Variants in TBC1D9 observed in about 807,000 individuals in gnomAD.
TBC1D9 encodes the protein TBC1 domain family member 9A.
A neutral mutation model predicts 132.0 loss-of-function variants in TBC1D9; 63 were observed. The observed-to-expected ratio is 0.48, with a 90% CI of 0.39 to 0.59. The LOEUF (loss-of-function observed/expected upper bound fraction) is 0.59. Among genes scored for constraint, TBC1D9 ranks in the 20% least tolerant of loss-of-function variants. TBC1D9 has a pLI of 0.00. For missense variants in TBC1D9, 1,261 were observed against 1,592.7 expected, an observed-to-expected ratio of 0.79 and a Z score of 3.54; for synonymous variants, 610 against 609.9, an observed-to-expected ratio of 1.00 and a Z score of 0.00.
chr4:140,709,767 C>T (rs1738210028), intron 1 of TBC1D9, among the ~76,000 whole-genome samples: 1 of 152,126 alleles, frequency 6.6e-6, no homozygotes, highest in South Asian at 2.1e-4. Flanking sequence ...ACTGTTCCAC[C>T]TCAGATCATC....
chr4:140,627,351 A>G (rs1736725098), intron 18 of TBC1D9, 90 bp downstream of exon 18: 1 of 808,726 alleles, frequency 1.2e-6, no homozygotes, highest in East Asian at 2.7e-5. Context: ...TACTTCTTTG[A>G]TTGACTAGCT....
At chr4:140,735,911 G>C (rs977827617) in intron 1 of TBC1D9, among the ~76,000 whole-genome samples, 2 of 152,126 alleles carry the variant, frequency 1.3e-5, no homozygotes, top group Admixed American at 1.3e-4. Context: ...AGAAAGCGGG[G>C]ATGGATCACA....
Position 140,706,122 on chromosome 4 carries a change from G to T in TBC1D9, c.131-4508C>A, listed in dbSNP as rs796900703. The stretch of plus-strand genomic sequence containing the variant: ...TCCACAGTGCTGCAGAGAAACCCCC[G>T]TCAGCCCTCTGCAGGCCGGGCTATG... On this transcript the variant is annotated intron_variant, in intron 1 of 20. Coordinates refer to ENST00000442267, the MANE Select transcript of TBC1D9 (RefSeq NM_015130.3). The surrounding 1 kb of genome is among the most constrained non-coding windows in gnomAD (Gnocchi z 4.0). Among the ~76,000 whole-genome samples, 3 of 152,186 alleles carry T rather than the reference G, an allele frequency of 2.0e-5. No homozygotes were observed. Among genetic ancestry groups the T allele is most frequent in the Admixed American group, 6.5e-5 (1 of 15,276 alleles).
intron 18 of TBC1D9, 78 bp downstream of exon 18, chr4:140,627,363 T>C: frequency 1.1e-6 from 1 of 884,188 alleles, no homozygotes; most frequent in Non-Finnish European, 1.8e-6. Context: ...TGACTAGCTT[T>C]GGAGGCAAGT....
intron 16 of TBC1D9, among the ~76,000 whole-genome samples, chr4:140,631,973 C>T (rs547618277): frequency 6.6e-6 from 1 of 152,276 alleles, no homozygotes; most frequent in Non-Finnish European, 1.5e-5. Flanking sequence ...CTATAACTGA[C>T]CAATGTAACT....
rs1386630747 is a variant in TBC1D9, at chr4:140,719,220, T to C, written c.131-17606A>G. On this transcript the variant is annotated intron_variant, in intron 1 of 20. Transcript: ENST00000442267. The stretch of plus-strand genomic sequence containing the variant: ...CACAAGCTGTGTGGCTTCAGACAAG[T>C]CACTTAGCTTCTCTGAGTCATAGTT... Among the ~76,000 whole-genome samples the C allele has an allele frequency of 2.6e-5, 4 of 152,154 alleles. No individual in the cohort carries two copies. In the East Asian group the frequency reaches 7.7e-4, roughly 29 times the overall value.
chr4:140,701,604 C>T lies in TBC1D9; in HGVS notation c.141G>A (p.Val47=), dbSNP rs1738070862. The T allele has an allele frequency of 6.2e-7, 1 of 1,613,728 alleles. No individual in the cohort carries two copies. Among genetic ancestry groups the T allele is most frequent in the Non-Finnish European group, 8.5e-7 (1 of 1,179,808 alleles). The change falls in exon 2 of 21, where the codon GTG becomes GTA. Residue 47 remains valine (V), a synonymous_variant. Coordinates refer to ENST00000442267, the MANE Select transcript of TBC1D9 (RefSeq NM_015130.3). ...GGGGGLAGLL[V]GTLDVVLDSS... The stretch of plus-strand genomic sequence containing the variant: ...AGTCCAACACAACATCAAGGGTACC[C>T]ACCAGCAGGCCTGAGGGTGGAAAGT...
rs529729951 is a variant in TBC1D9 at position 140,709,410 on chromosome 4, C to T, written c.131-7796G>A. 4.0e-5 allele frequency among the ~76,000 whole-genome samples: 6 copies of T among 150,684 alleles called. No homozygotes were observed. The South Asian group carries it at 6.3e-4, about 16-fold the overall frequency. On this transcript the variant is annotated intron_variant, in intron 1 of 20. Coordinates refer to ENST00000442267, the MANE Select transcript of TBC1D9 (RefSeq NM_015130.3). ...AGAATCAGTTTTGCCAACTGGGGGA[C>T]GGGGCTGAAAAAAATCAGTTTTTCT... is the stretch of plus-strand genomic sequence containing the variant.
chr4:140,643,214 C>T (rs1305823172), intron 13 of TBC1D9: 4 of 1,374,442 alleles, frequency 2.9e-6, no homozygotes, highest in Non-Finnish European at 4.0e-6. Context: ...GGGCCCGCTC[C>T]GCACCTCCCA....
At chr4:140,676,482 A>G (rs1737626641) in intron 6 of TBC1D9, among the ~76,000 whole-genome samples, 1 of 152,108 alleles carries the variant, frequency 6.6e-6, no homozygotes, top group Non-Finnish European at 1.5e-5. Context: ...GTGAAACTCC[A>G]TCTCTACTAA....
At chr4:140,688,214 C>G (rs554640380) in intron 2 of TBC1D9, among the ~76,000 whole-genome samples, 1 of 152,200 alleles carries the variant, frequency 6.6e-6, no homozygotes, top group African/African-American at 2.4e-5. Context: ...TAAGCTACCA[C>G]GTGTAAAAGC....
At chr4:140,712,301 C>A (rs1738256652) in intron 1 of TBC1D9, 1 of 150,880 alleles carries the variant, frequency 6.6e-6, no homozygotes, top group Admixed American at 6.7e-5. Flanking sequence ...TTCATACACA[C>A]TGAATCACAT....
At chr4:140,727,867 C>T (rs1386613968) in intron 1 of TBC1D9, among the ~76,000 whole-genome samples, 3 of 152,216 alleles carry the variant, frequency 2.0e-5, no homozygotes, top group South Asian at 4.1e-4. Flanking sequence ...CTGGTAAACT[C>T]CACCTGAGCA....
intron 15 of TBC1D9, among the ~76,000 whole-genome samples, chr4:140,635,851 T>G (rs1736871228): frequency 6.6e-6 from 1 of 152,084 alleles, no homozygotes; most frequent in Non-Finnish European, 1.5e-5. Flanking sequence ...GGTGTGTCAG[T>G]GGCAGGGAGG....
At chr4:140,677,274 CG>C (rs1157186812) in intron 5 of TBC1D9, among the ~76,000 whole-genome samples, 173 bp from the exon 6 acceptor site, 1 of 152,106 alleles carries the variant, frequency 6.6e-6, no homozygotes, top group Non-Finnish European at 1.5e-5. Context: ...GACCCAAAAG[CG>C]TAATAAAATT....
intron 2 of TBC1D9, among the ~76,000 whole-genome samples, chr4:140,697,172 T>C (rs893609434): frequency 6.6e-5 from 10 of 151,398 alleles, no homozygotes; most frequent in South Asian, 2.1e-4. Context: ...AGCACAGGAG[T>C]TTGAGATTAG....
intron 2 of TBC1D9, among the ~76,000 whole-genome samples, chr4:140,699,331 A>T (rs1738027585): frequency 6.6e-6 from 1 of 152,228 alleles, no homozygotes; most frequent in African/African-American, 2.4e-5. Context: ...TGGACTGCAC[A>T]TAGTGATTTC....
chr4:140,627,346 C>A, intron 18 of TBC1D9, 95 bp downstream of exon 18: 1 of 783,000 alleles, frequency 1.3e-6, no homozygotes, highest in South Asian at 1.7e-5. Context: ...TTACATACTT[C>A]TTTGATTGAC....
intron 1 of TBC1D9, among the ~76,000 whole-genome samples, chr4:140,710,875 C>T (rs1184313846): frequency 3.3e-5 from 5 of 152,180 alleles, no homozygotes; most frequent in African/African-American, 1.2e-4. Flanking sequence ...AAAAATTCTT[C>T]AGAATTTCAA....
Sources: allele counts gnomAD v4.1 joint callset (sites outside exome capture counted in the v4.1 genomes callset), GRCh38; gene constraint gnomAD v4.1.1; non-coding constraint Gnocchi (gnomAD v3.1); transcripts MANE v1.5; gene names NCBI Gene and HGNC (gene_info 2026-07-23, HGNC 2026-07-21).